MPDZ: variants seen among roughly 807,000 people sequenced by gnomAD.
MPDZ encodes multiple PDZ domain protein.
A neutral mutation model predicts 239.1 loss-of-function variants in MPDZ; 234 were observed. The observed-to-expected ratio is 0.98, with a 90% confidence interval of 0.88 to 1.09. The LOEUF (loss-of-function observed/expected upper bound fraction) is 1.09. MPDZ is among the 50% of genes least tolerant of loss of function. MPDZ has a pLI of 0.00. For missense variants in MPDZ, 3,175 were observed against 2,510.0 expected, an observed-to-expected ratio of 1.26 and a Z score of -5.66; for synonymous variants, 1,048 against 881.3, an observed-to-expected ratio of 1.19 and a Z score of -3.35.
intron 10 of MPDZ, among the ~76,000 whole-genome samples, chr9:13,210,425 T>G (rs950359722): frequency 6.7e-5 from 10 of 148,960 alleles, no homozygotes; most frequent in African/African-American, 2.2e-4. Context: ...AGAGGAAGTT[T>G]TTTTTTTTTT....
chr9:13,204,024 G>C (rs1956711578), intron 12 of MPDZ, among the ~76,000 whole-genome samples: 1 of 152,044 alleles, frequency 6.6e-6, no homozygotes, highest in African/African-American at 2.4e-5. Context: ...CTAACTTCTG[G>C]AATATCTCTG....
intron 28 of MPDZ, 68 bp from the exon 29 acceptor site, chr9:13,138,221 A>G: frequency 7.1e-7 from 1 of 1,402,660 alleles, no homozygotes; most frequent in East Asian, 2.5e-5. Context: ...TACTGTGGAA[A>G]GCTATTTAGT....
At chr9:13,275,339 A>G (rs901484004) in intron 1 of MPDZ, among the ~76,000 whole-genome samples, 1 of 152,222 alleles carries the variant, frequency 6.6e-6, no homozygotes, top group Non-Finnish European at 1.5e-5. Context: ...AGACATACAC[A>G]GAGGGAGGGC....
At chr9:13,150,096 T>A (rs1948958926) in intron 25 of MPDZ, among the ~76,000 whole-genome samples, 1 of 152,128 alleles carries the variant, frequency 6.6e-6, no homozygotes, top group African/African-American at 2.4e-5. Context: ...ATACATATAT[T>A]GTATGTCTAA....
chr9:13,243,245 C>A (rs1202848289), intron 3 of MPDZ, among the ~76,000 whole-genome samples: 2 of 152,054 alleles, frequency 1.3e-5, no homozygotes, highest in Admixed American at 1.3e-4. Context: ...TTCAACAAAG[C>A]TTGATTATTA....
intron 2 of MPDZ, among the ~76,000 whole-genome samples, chr9:13,248,786 G>A (rs940153998): frequency 2.0e-5 from 3 of 150,510 alleles, no homozygotes; most frequent in African/African-American, 4.9e-5. Flanking sequence ...TGGCCAACAT[G>A]GTAAAACCTC....
At position 13,188,836 on chromosome 9, in the gene MPDZ, A is replaced by G. The variant is rs1954508698; in HGVS notation, c.2312T>C (p.Leu771Pro). The change falls in exon 17 of 47, where the codon CTG (leucine) becomes CCG (proline). Residue 771 changes from leucine (L) to proline (P), a missense_variant. Physicochemically the swap from Leu to Pro is moderately conservative, Grantham distance 98 (BLOSUM62 -3). Transcript: ENST00000319217. ...NSSLEEAVEA[L>P]KGAPSGTVRI... is the part of the protein sequence containing the mutation. ...CACAGTCCCTGACGGTGCTCCCTTC[A>G]GTGCTTCTACAGCTTCCTCAAGACT... 1 of 1,613,452 alleles carries G rather than the reference A, an allele frequency of 6.2e-7. No homozygotes were observed. Among genetic ancestry groups the G allele is most frequent in the Non-Finnish European group, 8.5e-7 (1 of 1,179,600 alleles).
intron 12 of MPDZ, among the ~76,000 whole-genome samples, chr9:13,196,630 C>T (rs115360054): frequency 2.2e-3 from 331 of 152,016 alleles, no homozygotes; most frequent in African/African-American, 7.6e-3. Context: ...AAGGACTATG[C>T]TATTATTTCA....
intron 3 of MPDZ, among the ~76,000 whole-genome samples, chr9:13,246,089 T>C (rs1219690140): frequency 6.6e-6 from 1 of 152,140 alleles, no homozygotes; most frequent in Non-Finnish European, 1.5e-5. Flanking sequence ...CACAACATAA[T>C]TATGCTTTTA....
In MPDZ at chr9:13,259,466, C is replaced by A. The variant is rs1928645; in HGVS notation, c.-57-9094G>T. Among the ~76,000 whole-genome samples, 1,106 of 152,258 alleles carry A rather than the reference C, an allele frequency of 7.3e-3. 12 individuals carry two copies. Among genetic ancestry groups the A allele is most frequent in the African/African-American group, 0.024 (1,008 of 41,554 alleles). The stretch of plus-strand genomic sequence containing the variant: ...TGACTAGCATGTTGTCTAGTAGCAG[C>A]ATTGGAGAAATGATGATACAACCTG... On this transcript the variant is annotated intron_variant, in intron 1 of 46. Transcript: ENST00000319217.
intron 31 of MPDZ, 62 bp from the exon 32 acceptor site, chr9:13,133,966 A>C: frequency 1.2e-6 from 1 of 809,854 alleles, no homozygotes; most frequent in Non-Finnish European, 1.8e-6. Context: ...GATTTGTTTA[A>C]ATATAAAGGC....
At chr9:13,136,518 G>A (rs748134520) in intron 30 of MPDZ, among the ~76,000 whole-genome samples, 194 bp downstream of exon 30, 2 of 151,088 alleles carry the variant, frequency 1.3e-5, no homozygotes, top group Admixed American at 6.6e-5. Flanking sequence ...AGTAGAGACG[G>A]GATTTCACCA....
In MPDZ at chr9:13,147,666, G is replaced by T; in HGVS notation, c.3631-8C>A. 6.2e-7 allele frequency: 1 copy of T among 1,601,220 alleles called. No individual in the cohort carries two copies. The highest frequency in any genetic ancestry group is 1.1e-5 in the South Asian group (1 of 90,578). On this transcript the variant is annotated splice_region_variant and splice_polypyrimidine_tract_variant and intron_variant, in intron 25 of 46. Transcript: ENST00000319217. ...GAGGTCCATTCCATCCACCTGCAAT[G>T]GAAGGCCTCAGCTTAACATTTCAAG... is the stretch of plus-strand genomic sequence containing the variant.
chr9:13,113,191 AC>A (rs1942792415), intron 41 of MPDZ, 137 bp from the exon 42 acceptor site: 19 of 674,596 alleles, frequency 2.8e-5, no homozygotes, highest in Non-Finnish European at 4.8e-5. Context: ...AGCTGCTAGT[AC>A]ACATGATTAG....
At chr9:13,239,956 A>C (rs1481202058) in intron 3 of MPDZ, among the ~76,000 whole-genome samples, 1 of 152,132 alleles carries the variant, frequency 6.6e-6, no homozygotes, top group Non-Finnish European at 1.5e-5. Flanking sequence ...TCCAAGAGAA[A>C]AAAATTTAAA....
intron 42 of MPDZ, 97 bp downstream of exon 42, chr9:13,112,911 AGAT>A: frequency 8.8e-7 from 1 of 1,136,552 alleles, no homozygotes; most frequent in Non-Finnish European, 1.3e-6. Flanking sequence ...ATACTTTTTG[AGAT>A]GAATACTTTA....
In MPDZ at chr9:13,188,956, C is replaced by T. The variant is rs1188881766; in HGVS notation, c.2192G>A (p.Arg731His). Residue 731 changes from arginine to histidine, a missense_variant, in exon 17 of 47, where the codon CGT becomes CAT. Arg to His is a conservative substitution (Grantham distance 29). Coordinates refer to ENST00000319217, the MANE Select transcript of MPDZ (RefSeq NM_001378778.1). The part of the protein sequence containing the change: ...IDPASTVIII[R>H]SLVPGGIAEK... The stretch of plus-strand genomic sequence containing the variant: ...AGCAATGCCGCCAGGCACCAAAGAA[C>T]GAATTATAATCACAGTGCTTGCTGG... 3.7e-6 allele frequency: 6 copies of T among 1,613,112 alleles called. No homozygotes were observed. Among genetic ancestry groups the T allele is most frequent in the Admixed American group, 1.7e-5 (1 of 59,936 alleles).
intron 1 of MPDZ, among the ~76,000 whole-genome samples, chr9:13,263,296 C>T (rs1432400512): frequency 6.6e-6 from 1 of 150,414 alleles, no homozygotes; most frequent in Non-Finnish European, 1.5e-5. Flanking sequence ...AAAAATAAGG[C>T]AGCCGATATG....
At chr9:13,151,369 C>T (rs1038166430) in intron 24 of MPDZ, among the ~76,000 whole-genome samples, 8 of 151,964 alleles carry the variant, frequency 5.3e-5, no homozygotes, top group Non-Finnish European at 8.8e-5. Context: ...CCCATGTTCA[C>T]AATAGTCAAG....
Sources: allele counts gnomAD v4.1 joint callset (sites outside exome capture counted in the v4.1 genomes callset), GRCh38; gene constraint gnomAD v4.1.1; transcripts MANE v1.5; gene names NCBI Gene and HGNC (gene_info 2026-07-23, HGNC 2026-07-21).